Variants in STAU2 observed in about 807,000 individuals in gnomAD.
STAU2 encodes the protein double-stranded RNA-binding protein Staufen homolog 2.
A neutral mutation model predicts 65.9 loss-of-function variants in STAU2; 20 were observed. The ratio of observed to expected loss-of-function variants is 0.30; its 90% CI spans 0.21 to 0.44. The LOEUF (loss-of-function observed/expected upper bound fraction) is 0.44, where lower values mean the gene tolerates loss of function less well. STAU2 is among the 20% of genes least tolerant of loss of function. The pLI, the probability that STAU2 is intolerant of heterozygous loss-of-function variation, is 1.00. For missense variants in STAU2, 558 were observed against 683.9 expected, an observed-to-expected ratio of 0.82 and a Z score of 2.05; for synonymous variants, 232 against 233.9, an observed-to-expected ratio of 0.99 and a Z score of 0.07.
chr8:73,445,298 A>C (rs140535232), intron 13 of STAU2, among the ~76,000 whole-genome samples: 1 of 152,338 alleles, frequency 6.6e-6, no homozygotes, highest in African/African-American at 2.4e-5. Context: ...GAGAGGATGA[A>C]TCCTAAGGAA....
intron 3 of STAU2, among the ~76,000 whole-genome samples, chr8:73,722,125 G>A (rs2130712138): frequency 6.6e-6 from 1 of 152,236 alleles, no homozygotes; most frequent in East Asian, 1.9e-4. Flanking sequence ...CTATCTTCCA[G>A]TGATATTATC....
intron 13 of STAU2, among the ~76,000 whole-genome samples, chr8:73,442,111 T>C (rs1003572357): frequency 6.6e-6 from 1 of 152,048 alleles, no homozygotes; most frequent in African/African-American, 2.4e-5. Context: ...TCCCAGCACT[T>C]TGGGAGGCCG....
At chr8:73,523,603 C>T (rs1241539920) in intron 13 of STAU2, among the ~76,000 whole-genome samples, 2 of 152,160 alleles carry the variant, frequency 1.3e-5, no homozygotes, top group Admixed American at 1.3e-4. Context: ...ATACCCCCAG[C>T]CCCTGCAACC....
chr8:73,436,669 C>CTCCA (rs993948133), intron 13 of STAU2, among the ~76,000 whole-genome samples: 21 of 151,940 alleles, frequency 1.4e-4, no homozygotes, highest in African/African-American at 4.6e-4. Flanking sequence ...TCACTGCAAC[C>CTCCA]TCCACCTCCT....
chr8:73,631,354 C>A (rs545028520), intron 6 of STAU2, among the ~76,000 whole-genome samples: 1 of 147,154 alleles, frequency 6.8e-6, no homozygotes, highest in African/African-American at 2.5e-5. Flanking sequence ...CCAGCCTAGG[C>A]AATAGAGTGA....
intron 13 of STAU2, among the ~76,000 whole-genome samples, chr8:73,521,384 C>G (rs1823029304): frequency 6.6e-6 from 1 of 152,162 alleles, no homozygotes; most frequent in African/African-American, 2.4e-5. Flanking sequence ...AAATATACAA[C>G]TGCTAGAGTT....
chr8:73,679,952 A>G (rs1563501497), intron 5 of STAU2, among the ~76,000 whole-genome samples: 1 of 146,176 alleles, frequency 6.8e-6, no homozygotes, highest in Non-Finnish European at 1.5e-5. Flanking sequence ...AGACCCCTGT[A>G]GACACTCCCA....
chr8:73,695,791 A>T (rs1819657636), intron 4 of STAU2, among the ~76,000 whole-genome samples: 1 of 152,132 alleles, frequency 6.6e-6, no homozygotes, highest in South Asian at 2.1e-4. Context: ...TGCCTGTGGA[A>T]AGGGGAGGGA....
intron 11 of STAU2, 47 bp downstream of exon 11, chr8:73,595,119 T>TTGATATTA (rs1811088996): frequency 6.8e-7 from 1 of 1,473,620 alleles, no homozygotes; most frequent in Admixed American, 2.4e-5. Context: ...ATTAATCACT[T>TTGATATTA]TGATATTATG....
intron 11 of STAU2, among the ~76,000 whole-genome samples, chr8:73,589,461 G>A (rs572858361): frequency 3.4e-4 from 52 of 152,294 alleles, no homozygotes; most frequent in African/African-American, 1.2e-3. Flanking sequence ...TTCATAGGTT[G>A]AAAGACCAAC....
chr8:73,651,495 C>A, intron 6 of STAU2: 1 of 705,062 alleles, frequency 1.4e-6, no homozygotes, highest in Non-Finnish European at 2.6e-6. Context: ...TTCTCGGAGT[C>A]ACTGCACGCA....
At chr8:73,525,593 T>G (rs1278948351) in intron 13 of STAU2, among the ~76,000 whole-genome samples, 1 of 152,144 alleles carries the variant, frequency 6.6e-6, no homozygotes, top group African/African-American at 2.4e-5. Flanking sequence ...CCAAAGCTAG[T>G]TCAAGGCAAA....
intron 13 of STAU2, among the ~76,000 whole-genome samples, chr8:73,535,051 G>A (rs548134759): frequency 5.5e-4 from 83 of 152,232 alleles, no homozygotes; most frequent in African/African-American, 1.9e-3. Flanking sequence ...TTTTGTGCAA[G>A]CCACGGATAA....
chr8:73,669,239 C>G (rs952380103), intron 6 of STAU2: 1 of 568,904 alleles, frequency 1.8e-6, no homozygotes, highest in East Asian at 2.8e-5. Context: ...TAGTACTTTC[C>G]GATATTCTTT....
intron 11 of STAU2, chr8:73,590,852 T>C: frequency 6.5e-6 from 1 of 153,486 alleles, no homozygotes; most frequent in Non-Finnish European, 1.4e-5. Flanking sequence ...TGAGGCAATA[T>C]CCTGACTGCC....
intron 10 of STAU2, among the ~76,000 whole-genome samples, chr8:73,599,030 T>C (rs2129662099): frequency 6.6e-6 from 1 of 152,332 alleles, no homozygotes; most frequent in South Asian, 2.1e-4. Flanking sequence ...AAGACAATAC[T>C]AATGTAATAG....
chr8:73,726,981 G>C (rs1441013081), intron 3 of STAU2, among the ~76,000 whole-genome samples: 1 of 152,172 alleles, frequency 6.6e-6, no homozygotes, highest in African/African-American at 2.4e-5. Context: ...TGTAATCCCA[G>C]CACTTTGGGA....
At position 73,688,489 on chromosome 8, in the gene STAU2, C is replaced by CGTGTGTGTGTGT. The variant is rs34713766; in HGVS notation, c.274+153_274+164dup. Reference sequence around the variant, plus strand: ...CCTCCTTCAGTTATTTTTATGCTACCGTGTGTGTGTGTGTGTGTGTGTGTG... The same window carrying CGTGTGTGTGTGT: ...CCTCCTTCAGTTATTTTTATGCTACCGTGTGTGTGTGTGTGTGTGTGTGTGTGTGTGTGTGTG... On this transcript the variant is annotated intron_variant, in intron 5 of 14. Coordinates refer to ENST00000524300, the MANE Select transcript of STAU2 (RefSeq NM_001164380.2). Among the ~76,000 whole-genome samples the CGTGTGTGTGTGT allele has an allele frequency of 2.8e-3, 405 of 146,962 alleles. 7 individuals are homozygous for CGTGTGTGTGTGT. The highest frequency in any genetic ancestry group is 9.5e-3 in the African/African-American group (376 of 39,548).
At chr8:73,428,287 A>G (rs1348370679) in intron 13 of STAU2, among the ~76,000 whole-genome samples, 1 of 152,076 alleles carries the variant, frequency 6.6e-6, no homozygotes, top group African/African-American at 2.4e-5. Flanking sequence ...TGTTGTTGCA[A>G]ATGACATAAT....
Sources: gnomAD v4.1 joint callset for allele counts (sites outside exome capture counted in the v4.1 genomes callset) on GRCh38, gnomAD v4.1.1 for gene constraint, MANE v1.5 for transcripts, NCBI Gene and HGNC (gene_info 2026-07-23, HGNC 2026-07-21) for gene names.